CSMD1: variants seen among roughly 807,000 people sequenced by gnomAD.
CSMD1 encodes the protein CUB and Sushi multiple domains 1, also known as CUB and sushi domain-containing protein 1.
Under a neutral mutation model 417.5 loss-of-function variants are expected in CSMD1, and 213 were observed. The observed-to-expected ratio is 0.51, with a 90% CI of 0.46 to 0.57. The LOEUF (loss-of-function observed/expected upper bound fraction) is 0.57, where lower values mean the gene tolerates loss of function less well. CSMD1 is among the 20% of genes least tolerant of loss of function. CSMD1 has a pLI of 0.00. For missense variants in CSMD1, 6,923 were observed against 4,529.7 expected, an observed-to-expected ratio of 1.53 and a Z score of -15.17; for synonymous variants, 2,862 against 1,736.8, an observed-to-expected ratio of 1.65 and a Z score of -16.11.
At position 3,183,475 on chromosome 8, in the gene CSMD1, G is replaced by C. The variant is rs1232424052; in HGVS notation, c.5621-2261C>G. On this transcript the variant is annotated intron_variant, in intron 36 of 69. Transcript: ENST00000635120. ...TATCTATCCCTGAAATATCGAGTAG[G>C]TCTCTAACGTTTCTTAAAGATACCA... Among the ~76,000 whole-genome samples the C allele has an allele frequency of 6.9e-5, 5 of 72,462 alleles. 1 individual carries two copies. The highest frequency in any genetic ancestry group is 3.4e-4 in the African/African-American group (5 of 14,504). The allele number at this position is 72,462 out of a possible 152,430, so 47.5% of individuals were successfully genotyped here.
At chr8:4,853,917 C>T (rs1455730365) in intron 1 of CSMD1, among the ~76,000 whole-genome samples, 2 of 152,168 alleles carry the variant, frequency 1.3e-5, no homozygotes, top group African/African-American at 4.8e-5. Context: ...GACAGCTCTG[C>T]TGGGTTTCAG....
rs554435593 is a variant in CSMD1, at chr8:2,971,813, G to A, written c.8923+1304C>T. Among the ~76,000 whole-genome samples, 215 of 152,230 alleles carry A rather than the reference G, an allele frequency of 1.4e-3. 1 individual carries two copies. Among genetic ancestry groups the A allele is most frequent in the Non-Finnish European group, 2.1e-3 (142 of 68,004 alleles). On this transcript the variant is annotated intron_variant, in intron 57 of 69. Coordinates refer to ENST00000635120, the MANE Select transcript of CSMD1 (RefSeq NM_033225.6). ...GTATGATCCTGCAATTCGTGACTAT[G>A]GGTAACCATTTCTCACTACTAATCA...
intron 3 of CSMD1, among the ~76,000 whole-genome samples, chr8:4,186,019 A>G (rs1284704845): frequency 6.6e-6 from 1 of 152,148 alleles, no homozygotes. Flanking sequence ...GATACATACA[A>G]ATCCCTAGGT....
intron 10 of CSMD1, among the ~76,000 whole-genome samples, chr8:3,526,727 C>T (rs1484436040): frequency 6.6e-6 from 1 of 152,168 alleles, no homozygotes; most frequent in Non-Finnish European, 1.5e-5. Context: ...GCTGTATCCC[C>T]TTCAATAAGT....
intron 3 of CSMD1, among the ~76,000 whole-genome samples, chr8:4,218,872 T>C (rs546329461): frequency 6.6e-6 from 1 of 152,312 alleles, no homozygotes; most frequent in Admixed American, 6.5e-5. Flanking sequence ...TCACCTCCTA[T>C]TTTCATAGCA....
chr8:4,666,505 T>G (rs1804948340), intron 1 of CSMD1, among the ~76,000 whole-genome samples: 1 of 152,148 alleles, frequency 6.6e-6, no homozygotes, highest in South Asian at 2.1e-4. Context: ...ACTAAGACCC[T>G]CCAGAACGGA....
At chr8:4,110,869 T>C (rs760202828) in intron 3 of CSMD1, among the ~76,000 whole-genome samples, 6 of 152,072 alleles carry the variant, frequency 3.9e-5, no homozygotes, top group Admixed American at 1.3e-4. Flanking sequence ...CCTTGAAGAG[T>C]ACTGAAATAT....
chr8:4,205,767 A>G (rs1799943519), intron 3 of CSMD1, among the ~76,000 whole-genome samples: 1 of 152,208 alleles, frequency 6.6e-6, no homozygotes, highest in South Asian at 2.1e-4. Context: ...TGTTTGGGCC[A>G]TAGAAGAAAT....
chr8:3,606,674 A>G (rs1456434279), intron 8 of CSMD1, among the ~76,000 whole-genome samples: 2 of 151,658 alleles, frequency 1.3e-5, no homozygotes, highest in African/African-American at 4.8e-5. Flanking sequence ...TCAATAATAA[A>G]TTAACCTTAA....
chr8:3,301,449 A>T (rs1398042490), intron 25 of CSMD1, among the ~76,000 whole-genome samples: 1 of 152,146 alleles, frequency 6.6e-6, no homozygotes, highest in Non-Finnish European at 1.5e-5. Context: ...ATTAGTACAG[A>T]AGGAAGGTAA....
At chr8:4,444,718 G>A (rs768888918) in intron 2 of CSMD1, among the ~76,000 whole-genome samples, 1 of 152,168 alleles carries the variant, frequency 6.6e-6, no homozygotes, top group Non-Finnish European at 1.5e-5. Flanking sequence ...ACAGGTGCAT[G>A]AAGGAAAATA....
intron 5 of CSMD1, among the ~76,000 whole-genome samples, chr8:3,755,405 G>A (rs1241344661): frequency 6.6e-6 from 1 of 152,190 alleles, no homozygotes; most frequent in Non-Finnish European, 1.5e-5. Context: ...GTTGTGCACT[G>A]AATAATTATT....
chr8:4,631,553 T>C (rs1238027545), intron 2 of CSMD1, among the ~76,000 whole-genome samples: 1 of 152,178 alleles, frequency 6.6e-6, no homozygotes, highest in Non-Finnish European at 1.5e-5. Context: ...AGCCCTCATA[T>C]GTCTATAAGT....
At chr8:4,539,200 T>C (rs1004533617) in intron 2 of CSMD1, among the ~76,000 whole-genome samples, 5 of 152,210 alleles carry the variant, frequency 3.3e-5, no homozygotes, top group Non-Finnish European at 5.9e-5. Context: ...TATTACTGTA[T>C]TTGAGGTTTG....
chr8:2,995,916 G>T (rs915989802), intron 54 of CSMD1, among the ~76,000 whole-genome samples: 7 of 152,138 alleles, frequency 4.6e-5, no homozygotes, highest in African/African-American at 1.7e-4. Flanking sequence ...GGGATGCGTG[G>T]GTGTGTTTAT....
At chr8:4,930,848 C>G (rs1271015851) in intron 1 of CSMD1, among the ~76,000 whole-genome samples, 1 of 152,172 alleles carries the variant, frequency 6.6e-6, no homozygotes, top group Non-Finnish European at 1.5e-5. Context: ...CAGGATAGAT[C>G]TTAATTTCTT....
At chr8:4,213,108 G>A (rs1371752414) in intron 3 of CSMD1, among the ~76,000 whole-genome samples, 14 of 152,096 alleles carry the variant, frequency 9.2e-5, no homozygotes, top group African/African-American at 2.4e-4. Context: ...TCACCCAGTG[G>A]AGCATGCTTA....
chr8:4,565,593 G>C (rs566170691), intron 2 of CSMD1, among the ~76,000 whole-genome samples: 3 of 151,612 alleles, frequency 2.0e-5, no homozygotes, highest in African/African-American at 4.8e-5. Context: ...AAATTAGCTG[G>C]GTGTGCTTAC....
chr8:4,383,522 C>A (rs1442405670), intron 3 of CSMD1, among the ~76,000 whole-genome samples: 1 of 152,118 alleles, frequency 6.6e-6, no homozygotes, highest in South Asian at 2.1e-4. Context: ...CAAGCCCTGG[C>A]TATTGCAGAC....
Sources: allele counts gnomAD v4.1 joint callset (sites outside exome capture counted in the v4.1 genomes callset), GRCh38; gene constraint gnomAD v4.1.1; transcripts MANE v1.5; gene names NCBI Gene and HGNC (gene_info 2026-07-23, HGNC 2026-07-21).